RTN1: variants seen among roughly 807,000 people sequenced by gnomAD.
RTN1 encodes the protein reticulon 1.
A neutral mutation model predicts 65.5 loss-of-function variants in RTN1; 25 were observed. The observed-to-expected ratio is 0.38, with a 90% confidence interval of 0.28 to 0.53. The LOEUF is 0.53. Ranked by LOEUF, RTN1 falls within the 20% of genes least tolerant of loss-of-function variation. The pLI, the probability that RTN1 is intolerant of heterozygous loss-of-function variation, is 0.79. For missense variants in RTN1, 983 were observed against 1,025.4 expected (o/e 0.96, Z 0.57); for synonymous variants, 471 against 447.6 (o/e 1.05, Z -0.66).
chr14:59,757,995 A>G (rs186949548), intron 1 of RTN1, among the ~76,000 whole-genome samples: 1 of 152,316 alleles, frequency 6.6e-6, no homozygotes, highest in Admixed American at 6.5e-5. Flanking sequence ...ACAGTATTAT[A>G]TAGAATATTT....
chr14:59,695,602 G>A (rs565794060), intron 3 of RTN1, among the ~76,000 whole-genome samples: 41 of 152,256 alleles, frequency 2.7e-4, no homozygotes, highest in African/African-American at 9.9e-4. Flanking sequence ...GTATTGTACA[G>A]AAGAAAGACT....
chr14:59,762,878 T>G (rs1298395755), intron 1 of RTN1, among the ~76,000 whole-genome samples: 1 of 152,246 alleles, frequency 6.6e-6, no homozygotes, highest in Non-Finnish European at 1.5e-5. Context: ...AGCTACTATT[T>G]TGCCTTTTAA....
At chr14:59,844,749 C>T (rs1887375925) in intron 1 of RTN1, among the ~76,000 whole-genome samples, 2 of 151,996 alleles carry the variant, frequency 1.3e-5, no homozygotes, top group African/African-American at 4.8e-5. Flanking sequence ...CATTTTGCCA[C>T]AATTAAAAAT....
At position 59,644,172 on chromosome 14, in the gene RTN1, G is replaced by C. The variant is rs77746086; in HGVS notation, c.1766-36680C>G. Among the ~76,000 whole-genome samples, 100 of 152,308 alleles carry C rather than the reference G, an allele frequency of 6.6e-4. 2 individuals carry two copies. The East Asian group carries it at 0.018, about 27-fold the overall frequency. On this transcript the variant is annotated intron_variant, in intron 3 of 8. Transcript: ENST00000267484. ...GCAACTGGTGTGTGTTGCTCTTATG[G>C]AGAGCAATAGAAGGGGCGAATAAAT... is the stretch of plus-strand genomic sequence containing the variant.
intron 1 of RTN1, among the ~76,000 whole-genome samples, chr14:59,800,841 G>T (rs1886532623): frequency 6.6e-6 from 1 of 151,800 alleles, no homozygotes; most frequent in Non-Finnish European, 1.5e-5. Context: ...TATAATAAAA[G>T]ATCTAGAAGA....
Position 59,707,189 on chromosome 14 carries a change from A to G in RTN1, c.1765+19730T>C, listed in dbSNP as rs909643063. On this transcript the variant is annotated intron_variant, in intron 3 of 8. Transcript: ENST00000267484. Reference sequence around the variant, plus strand: ...AGCAGATTTGTTTTTCATCCATATAATGTTCATGGTTAATGTTGAAACATA... The same window carrying G: ...AGCAGATTTGTTTTTCATCCATATAGTGTTCATGGTTAATGTTGAAACATA... 2.0e-5 allele frequency among the ~76,000 whole-genome samples: 3 copies of G among 152,202 alleles called. No homozygotes were observed. In the South Asian group the frequency reaches 6.2e-4, roughly 32 times the overall value.
At chr14:59,716,063 T>C (rs955130780) in intron 3 of RTN1, among the ~76,000 whole-genome samples, 2 of 152,206 alleles carry the variant, frequency 1.3e-5, no homozygotes, top group African/African-American at 4.8e-5. Context: ...ATTTCCGGCT[T>C]ACAGACCATG....
At chr14:59,635,521 A>G (rs1882645464) in intron 3 of RTN1, among the ~76,000 whole-genome samples, 1 of 152,218 alleles carries the variant, frequency 6.6e-6, no homozygotes. Flanking sequence ...AAAACAGAAC[A>G]TAAGGTGGAA....
chr14:59,629,161 C>G (rs1882478505), intron 3 of RTN1, among the ~76,000 whole-genome samples: 1 of 152,210 alleles, frequency 6.6e-6, no homozygotes, highest in Admixed American at 6.5e-5. Flanking sequence ...TTCTTATTTA[C>G]TGGCTTTTAA....
chr14:59,669,035 A>T (rs1883442981), intron 3 of RTN1, among the ~76,000 whole-genome samples: 1 of 152,160 alleles, frequency 6.6e-6, no homozygotes, highest in African/African-American at 2.4e-5. Flanking sequence ...ACCACTGTGG[A>T]AGACAGTGTG....
intron 3 of RTN1, among the ~76,000 whole-genome samples, chr14:59,696,039 T>C (rs1340667700): frequency 1.3e-5 from 2 of 152,158 alleles, no homozygotes; most frequent in African/African-American, 2.4e-5. Context: ...CCTCATTTTA[T>C]TCGTGACTTC....
intron 1 of RTN1, among the ~76,000 whole-genome samples, chr14:59,838,243 T>C (rs962045594): frequency 9.9e-5 from 15 of 152,156 alleles, no homozygotes; most frequent in Non-Finnish European, 8.8e-5. Flanking sequence ...GTTTAGGTAA[T>C]CGCCTTCAGC....
At chr14:59,721,649 T>C (rs1054482276) in intron 3 of RTN1, among the ~76,000 whole-genome samples, 24 of 152,350 alleles carry the variant, frequency 1.6e-4, no homozygotes, top group African/African-American at 5.8e-4. Context: ...TAAAGAAATA[T>C]TTCTCAATCT....
intron 2 of RTN1, among the ~76,000 whole-genome samples, chr14:59,736,689 C>G (rs1434717225): frequency 2.6e-5 from 4 of 152,182 alleles, no homozygotes; most frequent in Non-Finnish European, 5.9e-5. Context: ...AGGCCAGCAT[C>G]ATCCTGATAC....
At chr14:59,755,827 C>T (rs139519262) in intron 1 of RTN1, among the ~76,000 whole-genome samples, 439 of 152,174 alleles carry the variant, frequency 2.9e-3, no homozygotes, top group African/African-American at 0.01. Flanking sequence ...ATAAAAAGAG[C>T]CTGCATTCTC....
chr14:59,739,442 G>A (rs1340498784), intron 2 of RTN1, among the ~76,000 whole-genome samples: 2 of 151,868 alleles, frequency 1.3e-5, no homozygotes, highest in South Asian at 2.1e-4. Context: ...TCAGGAGGCT[G>A]AGGCATGGGA....
intron 3 of RTN1, among the ~76,000 whole-genome samples, chr14:59,641,114 G>T (rs930517005): frequency 6.6e-6 from 1 of 151,800 alleles, no homozygotes; most frequent in Non-Finnish European, 1.5e-5. Context: ...ATGTGCCACC[G>T]CACGTGGCTA....
intron 1 of RTN1, among the ~76,000 whole-genome samples, chr14:59,783,376 T>A (rs949998107): frequency 6.6e-6 from 1 of 152,114 alleles, no homozygotes; most frequent in Non-Finnish European, 1.5e-5. Flanking sequence ...GGGGTTTGGA[T>A]TACATTCATT....
chr14:59,687,541 C>T (rs759890732), intron 3 of RTN1, among the ~76,000 whole-genome samples: 1 of 151,354 alleles, frequency 6.6e-6, no homozygotes, highest in Non-Finnish European at 1.5e-5. Context: ...GTACAGCAGG[C>T]GTCTCTCCAT....
Sources: gnomAD v4.1 joint callset for allele counts (sites outside exome capture counted in the v4.1 genomes callset) on GRCh38, gnomAD v4.1.1 for gene constraint, MANE v1.5 for transcripts, NCBI Gene and HGNC (gene_info 2026-07-23, HGNC 2026-07-21) for gene names.